Variants in FRY observed in about 807,000 individuals in gnomAD.
FRY encodes FRY microtubule binding protein, also known as protein furry homolog.
A neutral mutation model predicts 348.4 loss-of-function variants in FRY; 128 were observed. The observed-to-expected ratio is 0.37, with a 90% confidence interval of 0.32 to 0.43. FRY has a LOEUF of 0.43. Ranked by LOEUF, FRY falls within the 20% of genes least tolerant of loss-of-function variation. FRY has a pLI of 1.00. For synonymous variants in FRY, 1,370 were observed against 1,374.7 expected, an observed-to-expected ratio of 1.00 and a Z score of 0.08; for missense variants, 2,736 against 3,695.2, an observed-to-expected ratio of 0.74 and a Z score of 6.73.
chr13:32,184,001 G>A (rs1279971756), intron 24 of FRY, among the ~76,000 whole-genome samples: 1 of 151,396 alleles, frequency 6.6e-6, no homozygotes, highest in Non-Finnish European at 1.5e-5. Flanking sequence ...CGGGTGTGGT[G>A]GTGCATGCCT....
intron 59 of FRY, among the ~76,000 whole-genome samples, chr13:32,289,949 G>A (rs747017120): frequency 2.6e-5 from 4 of 152,172 alleles, no homozygotes; most frequent in Non-Finnish European, 4.4e-5. Context: ...TGGAAAGTGA[G>A]GTGCCTCAAA....
intron 15 of FRY, 66 bp downstream of exon 15, chr13:32,155,728 T>C: frequency 9.2e-7 from 1 of 1,092,784 alleles, no homozygotes; most frequent in Non-Finnish European, 1.3e-6. Context: ...TAGATATTTA[T>C]CTTTAGTGAG....
At chr13:32,194,447 A>G in intron 29 of FRY, 150 bp downstream of exon 29, 1 of 694,416 alleles carries the variant, frequency 1.4e-6, no homozygotes, top group Non-Finnish European at 2.5e-6. Context: ...CAGGTAAACT[A>G]CTCCCTGTAA....
At chr13:32,185,177 A>T (rs920763704) in intron 26 of FRY, 29 bp downstream of exon 26, 2 of 1,603,844 alleles carry the variant, frequency 1.2e-6, no homozygotes, top group African/African-American at 2.7e-5. Flanking sequence ...AGAAATTACC[A>T]TTCATGCTTG....
At chr13:32,045,529 T>A (rs1872976122) in intron 1 of FRY, among the ~76,000 whole-genome samples, 1 of 152,220 alleles carries the variant, frequency 6.6e-6, no homozygotes. Context: ...GCATGACAAA[T>A]GCTTTTGGTG....
rs1240468344 is a variant in FRY, at chr13:32,237,244, G to A, written c.5811-135G>A. The A allele has an allele frequency of 8.8e-6, 8 of 909,702 alleles. No homozygotes were observed. The highest frequency in any genetic ancestry group is 1.2e-5 in the Non-Finnish European group (7 of 589,290). 56.4% of individuals were successfully genotyped at this position (909,702 alleles called of 1,614,324 possible). A position where few individuals can be genotyped will look rare whatever the true frequency, so the allele number is the denominator to read the frequency against. The stretch of plus-strand genomic sequence containing the variant: ...TGTTTTTTATAGCTTTAAAGATAAG[G>A]AAAAATAAATGAATAGAAAGTGGCA... On this transcript the variant is annotated intron_variant, in intron 43 of 60. Transcript: ENST00000542859. This position sits in a 1 kb window ranked among gnomAD's most constrained non-coding sequence, Gnocchi z 6.3.
intron 15 of FRY, 112 bp from the exon 16 acceptor site, chr13:32,157,161 G>C: frequency 1.0e-6 from 1 of 980,064 alleles, no homozygotes; most frequent in Non-Finnish European, 1.6e-6. Flanking sequence ...TTTTGCTCAA[G>C]GAAGTCATTG....
chr13:32,184,565 T>A (rs1330527368), intron 24 of FRY, 35 bp from the exon 25 acceptor site: 2 of 1,264,486 alleles, frequency 1.6e-6, no homozygotes, highest in Non-Finnish European at 2.3e-6. Context: ...TTGTTTTGCC[T>A]GTGTCTGTAA....
chr13:32,130,071 T>TTG, intron 7 of FRY, among the ~76,000 whole-genome samples: 1 of 151,202 alleles, frequency 6.6e-6, no homozygotes, highest in South Asian at 2.1e-4. Flanking sequence ...TTTTTTTTTT[T>TTG]TTCCGGTGAG....
In FRY at chr13:32,078,840, C is replaced by T; in HGVS notation, c.77C>T (p.Pro26Leu). The T allele has an allele frequency of 6.2e-7, 1 of 1,613,630 alleles. No homozygotes were observed. Among genetic ancestry groups the T allele is most frequent in the Non-Finnish European group, 8.5e-7 (1 of 1,179,640 alleles). Reference sequence around the variant, plus strand: ...TGCCCATTCTGTTTTTCAGCTTCTCCCGTTGGCAACGGTTACATCAAGCCT... The same window carrying T: ...TGCCCATTCTGTTTTTCAGCTTCTCTCGTTGGCAACGGTTACATCAAGCCT... ...YLLKSWSNTS[P>L]VGNGYIKPPV... The change falls in exon 2 of 61, where the codon CCC (proline) becomes CTC (leucine). Residue 26 changes from proline (P) to leucine (L), a missense_variant. Physicochemically the swap from Pro to Leu is moderately conservative, Grantham distance 98. Coordinates refer to ENST00000542859, the MANE Select transcript of FRY (RefSeq NM_023037.3).
chr13:32,208,771 G>A, intron 31 of FRY, 82 bp from the exon 32 acceptor site: 2 of 1,514,650 alleles, frequency 1.3e-6, no homozygotes, highest in Non-Finnish European at 1.8e-6. Context: ...ACACTGTTCA[G>A]TCTGCAAGTT....
At chr13:32,115,800 A>G (rs920592257) in intron 3 of FRY, among the ~76,000 whole-genome samples, 9 of 151,702 alleles carry the variant, frequency 5.9e-5, no homozygotes, top group Non-Finnish European at 1.3e-4. Flanking sequence ...TTCTCCCTCT[A>G]GTGATCTGAC....
At chr13:32,122,995 A>T (rs1043481992) in intron 4 of FRY, among the ~76,000 whole-genome samples, 1 of 152,182 alleles carries the variant, frequency 6.6e-6, no homozygotes, top group Non-Finnish European at 1.5e-5. Context: ...GAGTCGAAAG[A>T]CCTCTACAAG....
intron 7 of FRY, among the ~76,000 whole-genome samples, chr13:32,130,514 G>A (rs1879293349): frequency 6.9e-6 from 1 of 144,428 alleles, no homozygotes; most frequent in Non-Finnish European, 1.5e-5. Context: ...AGACAAACCA[G>A]CTGTGTCAGA....
At chr13:32,148,838 C>G (rs1188756304) in intron 13 of FRY, among the ~76,000 whole-genome samples, 2 of 152,078 alleles carry the variant, frequency 1.3e-5, no homozygotes, top group East Asian at 1.9e-4. Context: ...AGTGATAGCT[C>G]TCTTTGAGTT....
chr13:32,232,307 A>G, intron 41 of FRY, among the ~76,000 whole-genome samples: 1 of 152,232 alleles, frequency 6.6e-6, no homozygotes, highest in Admixed American at 6.5e-5. Flanking sequence ...TTCAGGCTGC[A>G]TAAAGTCTAA....
At chr13:32,212,813 T>C (rs1884759689) in intron 35 of FRY, among the ~76,000 whole-genome samples, 1 of 152,234 alleles carries the variant, frequency 6.6e-6, no homozygotes, top group Non-Finnish European at 1.5e-5. Flanking sequence ...CTTTGTGCTG[T>C]CTTGGTTAAC....
intron 1 of FRY, among the ~76,000 whole-genome samples, chr13:32,057,885 G>A (rs1324182019): frequency 6.6e-6 from 1 of 152,262 alleles, no homozygotes; most frequent in African/African-American, 2.4e-5. Flanking sequence ...GCGTGAACCC[G>A]GGAGGCGGAG....
rs1416725469 is a variant in FRY at position 32,178,192 on chromosome 13, A to G, written c.2437A>G (p.Thr813Ala). ...ATACCTACAGGCAACATTACCACTC[A>G]CCCACAATGTGGATCTGCAGTGGTT... ...AVSDSATLPL[T>A]HNVDLQWLVE... Residue 813 changes from threonine (T) to alanine (A), a missense_variant, in exon 21 of 61, where the codon ACC (threonine) becomes GCC (alanine). Transcript: ENST00000542859. 1 of 1,614,128 alleles carries G rather than the reference A, an allele frequency of 6.2e-7. No individual in the cohort carries two copies.
Sources: allele counts gnomAD v4.1 joint callset (sites outside exome capture counted in the v4.1 genomes callset), GRCh38; gene constraint gnomAD v4.1.1; non-coding constraint Gnocchi (gnomAD v3.1); transcripts MANE v1.5; gene names NCBI Gene and HGNC (gene_info 2026-07-23, HGNC 2026-07-21).